The following RAF1 variants were observed in gnomAD, a reference collection of about 807,000 sequenced individuals.
The protein encoded by RAF1 is Raf-1 proto-oncogene, serine/threonine kinase.
RAF1 carries 27 observed loss-of-function variants against 81.1 expected under a neutral mutation model. The observed-to-expected ratio is 0.33, with a 90% CI of 0.25 to 0.46. The LOEUF (loss-of-function observed/expected upper bound fraction) is 0.46, where lower values mean the gene tolerates loss of function less well. Ranked by LOEUF, RAF1 falls within the 20% of genes least tolerant of loss-of-function variation. The pLI, the probability that RAF1 is intolerant of heterozygous loss-of-function variation, is 1.00. For missense variants in RAF1, 598 were observed against 826.0 expected (o/e 0.72, Z 3.38); for synonymous variants, 298 against 294.0 (o/e 1.01, Z -0.14).
chr3:12,658,174 C>T (rs972492480), intron 1 of RAF1, among the ~76,000 whole-genome samples: 1 of 152,200 alleles, frequency 6.6e-6, no homozygotes, highest in African/African-American at 2.4e-5. Flanking sequence ...AAAGCAAGAA[C>T]AGTATACTAT....
At chr3:12,658,437 T>C (rs2060768473) in intron 1 of RAF1, among the ~76,000 whole-genome samples, 1 of 152,094 alleles carries the variant, frequency 6.6e-6, no homozygotes, top group Non-Finnish European at 1.5e-5. Flanking sequence ...ACCCTGTCTC[T>C]ACTAAAAATA....
intron 1 of RAF1, among the ~76,000 whole-genome samples, chr3:12,641,494 T>G (rs1473574274): frequency 8.0e-5 from 12 of 149,610 alleles, no homozygotes; most frequent in African/African-American, 1.5e-4. Flanking sequence ...TTTTTGGTTT[T>G]TTTTTTTTTT....
chr3:12,605,247 A>G (rs2058986282), intron 6 of RAF1, among the ~76,000 whole-genome samples: 2 of 85,454 alleles, frequency 2.3e-5, no homozygotes, highest in African/African-American at 1.0e-4. Flanking sequence ...CTGATTACAC[A>G]TTATGTGTGT....
At chr3:12,662,380 T>C (rs1380005520) in intron 1 of RAF1, among the ~76,000 whole-genome samples, 2 of 136,880 alleles carry the variant, frequency 1.5e-5, no homozygotes, top group East Asian at 2.1e-4. Flanking sequence ...AAAGTTTGCA[T>C]TGTTCTGAAA....
intron 1 of RAF1, among the ~76,000 whole-genome samples, chr3:12,657,277 C>A (rs1183651693): frequency 6.6e-6 from 1 of 152,184 alleles, no homozygotes; most frequent in Non-Finnish European, 1.5e-5. Flanking sequence ...GCCAGCACAT[C>A]TACCCTTAAA....
intron 14 of RAF1, chr3:12,586,709 G>A (rs1373392577): frequency 6.6e-6 from 1 of 152,144 alleles, no homozygotes. Context: ...ATTCAAAATT[G>A]TTAAATTTCA....
intron 1 of RAF1, among the ~76,000 whole-genome samples, chr3:12,636,635 C>CT (rs984618776): frequency 1.1e-4 from 16 of 151,894 alleles, no homozygotes; most frequent in African/African-American, 3.9e-4. Context: ...GGCGAAACCC[C>CT]TTCTCTACAA....
intron 1 of RAF1, among the ~76,000 whole-genome samples, chr3:12,622,672 T>C (rs2059588411): frequency 6.6e-6 from 1 of 152,208 alleles, no homozygotes; most frequent in Admixed American, 6.5e-5. Context: ...TCAGTCCCCC[T>C]ACCTTCCTTC....
intron 2 of RAF1, among the ~76,000 whole-genome samples, chr3:12,612,795 GTC>G (rs1427827865): frequency 3.9e-5 from 6 of 152,022 alleles, no homozygotes; most frequent in Non-Finnish European, 8.8e-5. Flanking sequence ...TCCTTTATAC[GTC>G]TCTAATTTTG....
Position 12,623,536 on chromosome 3 carries a change from G to A in RAF1, c.-26-4789C>T, listed in dbSNP as rs560553661. ...CTAAGGGTTGGGTGCGGGGGCTCAC[G>A]CCTGTAATCCCAGCACTTAGGGAGG... On this transcript the variant is annotated intron_variant, in intron 1 of 17. Coordinates refer to ENST00000442415, the MANE Select transcript of RAF1 (RefSeq NM_001354689.3). Among the ~76,000 whole-genome samples the A allele has an allele frequency of 1.2e-4, 18 of 151,608 alleles. No homozygotes were observed. The East Asian group carries it at 2.7e-3, about 23-fold the overall frequency.
intron 11 of RAF1, among the ~76,000 whole-genome samples, chr3:12,594,199 G>T (rs1341587220): frequency 6.6e-6 from 1 of 152,140 alleles, no homozygotes; most frequent in African/African-American, 2.4e-5. Context: ...CAGAAAGAAG[G>T]GATGAAGGTA....
intron 5 of RAF1, chr3:12,608,338 G>C (rs2059105421): frequency 6.2e-6 from 1 of 161,134 alleles, no homozygotes. Context: ...CCAGTTTGAA[G>C]TGAAGAAAAT....
intron 11 of RAF1, among the ~76,000 whole-genome samples, chr3:12,598,104 C>T (rs2058739564): frequency 1.3e-5 from 2 of 149,868 alleles, no homozygotes; most frequent in Admixed American, 6.7e-5. Context: ...CTACAACATT[C>T]GCCTCCTGAG....
rs397516816 is a variant in RAF1 at position 12,585,689 on chromosome 3, G to A, written c.1588C>T (p.Leu530Phe). The A allele has an allele frequency of 6.2e-7, 1 of 1,612,806 alleles. No individual in the cohort carries two copies. The highest frequency in any genetic ancestry group is 8.5e-7 in the Non-Finnish European group (1 of 1,178,790). Residue 530 changes from leucine to phenylalanine, a missense_variant, in exon 15 of 18, where the codon CTC becomes TTC. Leu to Phe is a conservative substitution (Grantham distance 22). Coordinates refer to ENST00000442415, the MANE Select transcript of RAF1 (RefSeq NM_001354689.3). Reference sequence around the variant, plus strand: ...GGAGCCCAGATTCTCACCATCCAGAGGACAGAGCCAGTAGGTTGTTCAACC... The same window carrying A: ...GGAGCCCAGATTCTCACCATCCAGAAGACAGAGCCAGTAGGTTGTTCAACC...
chr3:12,619,169 T>C (rs9856899), intron 1 of RAF1, among the ~76,000 whole-genome samples: 128,281 of 151,900 alleles, frequency 0.84, 54,610 homozygotes, highest in African/African-American at 0.95. Flanking sequence ...GGCGGGAACC[T>C]GGGAGGCGGA....
intron 1 of RAF1, among the ~76,000 whole-genome samples, chr3:12,659,636 A>G (rs1186908594): frequency 8.3e-6 from 1 of 121,086 alleles, no homozygotes; most frequent in Non-Finnish European, 1.8e-5. Flanking sequence ...CAAGGTAAGT[A>G]ATTTTCCACC....
intron 1 of RAF1, among the ~76,000 whole-genome samples, chr3:12,631,718 CAGG>C (rs1456186662): frequency 6.6e-6 from 1 of 152,210 alleles, no homozygotes. Flanking sequence ...ACACCCACCA[CAGG>C]AGATGAGAGA....
chr3:12,594,476 G>A (rs2058623805), intron 11 of RAF1, among the ~76,000 whole-genome samples: 1 of 152,174 alleles, frequency 6.6e-6, no homozygotes, highest in Admixed American at 6.5e-5. Context: ...CTCTGGGCAT[G>A]CTCTAGTTGT....
intron 11 of RAF1, 59 bp from the exon 11 acceptor site, chr3:12,591,851 C>G (rs1458142649): frequency 7.8e-7 from 1 of 1,284,016 alleles, no homozygotes; most frequent in African/African-American, 1.5e-5. Flanking sequence ...TTTCAAATAA[C>G]CTAGTTTTGA....
Sources: gnomAD v4.1 joint callset for allele counts (sites outside exome capture counted in the v4.1 genomes callset) on GRCh38, gnomAD v4.1.1 for gene constraint, MANE v1.5 for transcripts, NCBI Gene and HGNC (gene_info 2026-07-23, HGNC 2026-07-21) for gene names.